Variants in MGST1 observed in about 807,000 individuals in gnomAD.
The protein encoded by MGST1 is microsomal glutathione S-transferase 1.
A neutral mutation model predicts 8.9 loss-of-function variants in MGST1; 5 were observed. The ratio of observed to expected loss-of-function variants is 0.56; its 90% CI spans 0.29 to 1.19. The LOEUF (loss-of-function observed/expected upper bound fraction) is 1.19. MGST1 is among the 50% of genes most tolerant of loss of function. The probability of loss-of-function intolerance (pLI) is 0.08; values close to 1 mark genes in which losing one functional copy is unlikely to be tolerated. For missense variants in MGST1, 182 were observed against 187.4 expected (o/e 0.97, Z 0.17); for synonymous variants, 54 against 67.8 (o/e 0.80, Z 1.00).
At position 16,517,201 on chromosome 12, in the gene MGST1, A is replaced by G. The variant is rs1941620719; in HGVS notation, n.483-72327A>G. On this transcript the variant is annotated intron_variant and non_coding_transcript_variant, in intron 4 of 4. Transcript: ENST00000538857. The surrounding 1 kb of genome is among the most constrained non-coding windows in gnomAD (Gnocchi z 4.2). ...CTGATCGAATATATGAGATCTAATG[A>G]AAGACTCTTAGAAGGCAGGTGCTAT... Among the ~76,000 whole-genome samples the G allele has an allele frequency of 6.6e-6, 1 of 152,226 alleles. No homozygotes were observed. The highest frequency in any genetic ancestry group is 1.5e-5 in the Non-Finnish European group (1 of 68,034).
chr12:16,360,798 G>C (rs898871778), intron 3 of MGST1, among the ~76,000 whole-genome samples: 4 of 152,138 alleles, frequency 2.6e-5, no homozygotes, highest in Non-Finnish European at 5.9e-5. Flanking sequence ...ACTTGCTGGG[G>C]ACTCTGTCAT....
At position 16,559,436 on chromosome 12, in the gene MGST1, T is replaced by C. The variant is rs1254453439; in HGVS notation, n.483-30092T>C. ...TATGTTACAAATGAAAAACCTGAGG[T>C]CCAGAGAGGGAAGGTGTTTGTTTGG... On this transcript the variant is annotated intron_variant and non_coding_transcript_variant, in intron 4 of 4. Coordinates refer to the MGST1 transcript ENST00000538857. This position sits in a 1 kb window ranked among gnomAD's most constrained non-coding sequence, Gnocchi z 4.1. 6.7e-6 allele frequency among the ~76,000 whole-genome samples: 1 copy of C among 150,298 alleles called. No individual in the cohort carries two copies. The highest frequency in any genetic ancestry group is 1.5e-5 in the Non-Finnish European group (1 of 67,970).
At position 16,411,821 on chromosome 12, in the gene MGST1, A is replaced by G. The variant is rs183536137; in HGVS notation, n.779-25567A>G. Among the ~76,000 whole-genome samples, 458 of 152,292 alleles carry G rather than the reference A, an allele frequency of 3.0e-3. 9 individuals are homozygous for G. The highest frequency in any genetic ancestry group is 0.028 in the Admixed American group (423 of 15,294). ...GTAGTGTAGAACAATCACTAAGAAC[A>G]TAGACTTGAGAATCATGTCTGCCTT... On this transcript the variant is annotated intron_variant and non_coding_transcript_variant, in intron 1 of 1. Coordinates refer to the MGST1 transcript ENST00000359720.
intron 4 of MGST1, among the ~76,000 whole-genome samples, chr12:16,574,740 GAA>G (rs1942938227): frequency 1.3e-5 from 2 of 152,188 alleles, no homozygotes; most frequent in African/African-American, 4.8e-5. Flanking sequence ...CATTAGAAAA[GAA>G]AGTCTTCTAT....
At chr12:16,425,616 C>T (rs551397646) in intron 1 of MGST1, among the ~76,000 whole-genome samples, 31 of 152,154 alleles carry the variant, frequency 2.0e-4, no homozygotes, top group African/African-American at 7.2e-4. Flanking sequence ...AACTATGGGG[C>T]ACCACACCAA....
chr12:16,433,099 G>A (rs1041579549), intron 1 of MGST1, among the ~76,000 whole-genome samples: 8 of 152,066 alleles, frequency 5.3e-5, no homozygotes, highest in Admixed American at 2.0e-4. Context: ...GAGCGAGGAA[G>A]CCAGTCCAAG....
chr12:16,534,794 A>G (rs1856952870), intron 4 of MGST1, among the ~76,000 whole-genome samples: 2 of 152,194 alleles, frequency 1.3e-5, no homozygotes, highest in African/African-American at 4.8e-5. Flanking sequence ...TCATCCTATA[A>G]TAACATGCTA....
intron 4 of MGST1, among the ~76,000 whole-genome samples, chr12:16,581,543 A>C (rs1449343879): frequency 6.6e-6 from 1 of 152,198 alleles, no homozygotes; most frequent in African/African-American, 2.4e-5. Flanking sequence ...AACACTACCC[A>C]TTATAGAGTA....
intron 4 of MGST1, among the ~76,000 whole-genome samples, chr12:16,539,120 G>C (rs1941777301): frequency 6.6e-6 from 1 of 152,090 alleles, no homozygotes; most frequent in South Asian, 2.1e-4. Flanking sequence ...TATCTGGGCG[G>C]GGACACAGAG....
intron 4 of MGST1, among the ~76,000 whole-genome samples, chr12:16,488,956 A>C (rs899237488): frequency 2.6e-5 from 4 of 151,952 alleles, no homozygotes; most frequent in Non-Finnish European, 5.9e-5. Flanking sequence ...AAAACTTTTT[A>C]AAAATATTAT....
intron 4 of MGST1, among the ~76,000 whole-genome samples, chr12:16,528,947 C>T (rs889433355): frequency 3.9e-5 from 6 of 151,976 alleles, no homozygotes; most frequent in African/African-American, 1.4e-4. Flanking sequence ...GATAATTAGA[C>T]TTACTTTGTT....
Position 16,583,046 on chromosome 12 carries a change from CAAAAA to C in MGST1, n.483-6466_483-6462del, listed in dbSNP as rs55665813. On this transcript the variant is annotated intron_variant and non_coding_transcript_variant, in intron 4 of 4. Coordinates refer to the MGST1 transcript ENST00000538857. ...TGGGTGACAGTGCGAGACTCCGCCT[CAAAAA>C]AAAAAAAAAAAAAAATCTAAACTGT... 9.5e-3 allele frequency among the ~76,000 whole-genome samples: 1,209 copies of C among 126,710 alleles called. 18 individuals carry two copies. The highest frequency in any genetic ancestry group is 0.032 in the African/African-American group (1,044 of 33,024). 83.1% of individuals were successfully genotyped at this position (126,710 alleles called of 152,430 possible).
rs1942983876 is a variant in MGST1 at position 16,576,008 on chromosome 12, C to T, written n.483-13520C>T. On this transcript the variant is annotated intron_variant and non_coding_transcript_variant, in intron 4 of 4. Transcript: ENST00000538857. This position sits in a 1 kb window ranked among gnomAD's most constrained non-coding sequence, Gnocchi z 4.1. ...TGAATTTGCCTCCTCTTCTCAGACC[C>T]CCAAATCTAGCCCTGCCGCTGTGTT... Among the ~76,000 whole-genome samples, 1 of 152,104 alleles carries T rather than the reference C, an allele frequency of 6.6e-6. No homozygotes were observed. Among genetic ancestry groups the T allele is most frequent in the African/African-American group, 2.4e-5 (1 of 41,418 alleles).
intron 1 of MGST1, among the ~76,000 whole-genome samples, chr12:16,425,188 T>C (rs140341702): frequency 6.6e-6 from 1 of 152,268 alleles, no homozygotes; most frequent in Non-Finnish European, 1.5e-5. Flanking sequence ...TTTATCTACT[T>C]AAGGACAGTA....
At chr12:16,371,848 A>G (rs1490835347) in intron 3 of MGST1, among the ~76,000 whole-genome samples, 1 of 152,136 alleles carries the variant, frequency 6.6e-6, no homozygotes, top group South Asian at 2.1e-4. Context: ...ACATAGATCA[A>G]TGGGACAGAA....
intron 4 of MGST1, among the ~76,000 whole-genome samples, chr12:16,449,408 C>G (rs1157356908): frequency 2.6e-5 from 4 of 151,862 alleles, no homozygotes; most frequent in African/African-American, 9.7e-5. Flanking sequence ...ACACTTCCCG[C>G]CAGGCCCCAC....
chr12:16,484,326 A>G (rs1271693490), intron 4 of MGST1, among the ~76,000 whole-genome samples: 1 of 152,246 alleles, frequency 6.6e-6, no homozygotes, highest in Non-Finnish European at 1.5e-5. Flanking sequence ...CCCCAGGAAC[A>G]GAAGATTCAC....
chr12:16,551,420 G>T, intron 4 of MGST1: 1 of 742,372 alleles, frequency 1.3e-6, no homozygotes, highest in South Asian at 1.6e-5. Flanking sequence ...AGTTTCGCAT[G>T]GTAATTCCCT....
downstream of MGST1, among the ~76,000 whole-genome samples, chr12:16,367,618 A>G (rs1176369335): frequency 2.0e-5 from 3 of 152,210 alleles, no homozygotes; most frequent in East Asian, 5.8e-4. Context: ...GTGGCCAAAC[A>G]GCATGTTTGG....
Sources: allele counts gnomAD v4.1 joint callset (sites outside exome capture counted in the v4.1 genomes callset), GRCh38; gene constraint gnomAD v4.1.1; non-coding constraint Gnocchi (gnomAD v3.1); transcripts MANE v1.5; gene names NCBI Gene and HGNC (gene_info 2026-07-23, HGNC 2026-07-21).